COMMD1: variants seen among roughly 807,000 people sequenced by gnomAD.
COMMD1 encodes the protein COMM domain-containing protein 1.
In COMMD1, 10 loss-of-function variants were observed where a neutral mutation model predicts 17.2. The ratio of observed to expected loss-of-function variants is 0.58; its 90% CI spans 0.36 to 0.99. The LOEUF is 0.99. Among genes scored for constraint, COMMD1 ranks in the 50% least tolerant of loss-of-function variants. The pLI is 0.01. For missense variants in COMMD1, 270 were observed against 231.8 expected (o/e 1.17, Z -1.07); for synonymous variants, 97 against 91.6 (o/e 1.06, Z -0.34).
At chr2:62,046,924 G>A (rs1670399365) in intron 2 of COMMD1, among the ~76,000 whole-genome samples, 1 of 152,188 alleles carries the variant, frequency 6.6e-6, no homozygotes, top group African/African-American at 2.4e-5. Context: ...TGGATGCAAA[G>A]TAGTGGTGGT....
Position 61,912,628 on chromosome 2 carries a change from A to G in COMMD1, c.180+6770A>G, listed in dbSNP as rs936509059. Among the ~76,000 whole-genome samples the G allele has an allele frequency of 7.1e-4, 108 of 151,886 alleles. 1 individual carries two copies. The highest frequency in any genetic ancestry group is 2.5e-3 in the African/African-American group (105 of 41,442). Reference sequence around the variant, plus strand: ...CATGTGCTTGTAGTCCCAGCTACTCAGGAGGCTGAGGCAGGAGAATTGCTT... The same window carrying G: ...CATGTGCTTGTAGTCCCAGCTACTCGGGAGGCTGAGGCAGGAGAATTGCTT... On this transcript the variant is annotated intron_variant, in intron 1 of 2. Coordinates refer to ENST00000311832, the MANE Select transcript of COMMD1 (RefSeq NM_152516.4).
At position 62,004,364 on chromosome 2, in the gene COMMD1, A is replaced by G. The variant is rs1669055221; in HGVS notation, c.462+3382A>G. On this transcript the variant is annotated intron_variant, in intron 2 of 2. Transcript: ENST00000311832. ...CACCCAGGCTGGAGTGCAGTGGCAC[A>G]ATCTCGGCTCACTGCAGCCTCCACC... 2.6e-5 allele frequency among the ~76,000 whole-genome samples: 4 copies of G among 152,142 alleles called. No individual in the cohort carries two copies. The South Asian group carries it at 8.3e-4, about 32-fold the overall frequency.
intron 2 of COMMD1, among the ~76,000 whole-genome samples, chr2:62,086,261 G>T (rs1047314482): frequency 6.6e-6 from 1 of 152,104 alleles, no homozygotes; most frequent in Non-Finnish European, 1.5e-5. Flanking sequence ...TGTAAACCCA[G>T]CACTTTGGGA....
At position 62,084,956 on chromosome 2, in the gene COMMD1, G is replaced by C. The variant is rs182679013; in HGVS notation, c.463-50875G>C. On this transcript the variant is annotated intron_variant, in intron 2 of 2. Transcript: ENST00000311832. Reference sequence around the variant, plus strand: ...AAAAGGAATAAGTCTACTGGTCATTGGTAATTAGGGCCTTTCATCTGTGCA... The same window carrying C: ...AAAAGGAATAAGTCTACTGGTCATTCGTAATTAGGGCCTTTCATCTGTGCA... 5.3e-5 allele frequency: 8 copies of C among 152,262 alleles called. No homozygotes were observed. In the East Asian group the frequency reaches 1.5e-3, roughly 29 times the overall value. 9.4% of individuals were successfully genotyped at this position (152,262 alleles called of 1,614,324 possible).
chr2:61,925,402 T>G (rs957142102), intron 1 of COMMD1, among the ~76,000 whole-genome samples: 3 of 151,460 alleles, frequency 2.0e-5, no homozygotes, highest in African/African-American at 7.3e-5. Flanking sequence ...GGAGGGGAGT[T>G]TGAGGGAGTT....
intron 1 of COMMD1, among the ~76,000 whole-genome samples, chr2:61,920,983 T>TATATA (rs376047252): frequency 1.8e-4 from 18 of 101,876 alleles, no homozygotes; most frequent in East Asian, 3.3e-4. Context: ...ATATATATAT[T>TATATA]TTTTTTTTTT....
intron 2 of COMMD1, among the ~76,000 whole-genome samples, chr2:62,073,619 T>C (rs1443163448): frequency 6.6e-6 from 1 of 152,252 alleles, no homozygotes; most frequent in African/African-American, 2.4e-5. Context: ...GTAACCTGAC[T>C]GCCTTGGGCA....
chr2:61,994,485 G>C (rs1668692760), intron 1 of COMMD1, among the ~76,000 whole-genome samples: 1 of 151,994 alleles, frequency 6.6e-6, no homozygotes, highest in Non-Finnish European at 1.5e-5. Flanking sequence ...AGTCTCACTT[G>C]CTCTGCCTGT....
At chr2:61,914,654 A>C (rs1478811186) in intron 1 of COMMD1, among the ~76,000 whole-genome samples, 1 of 152,134 alleles carries the variant, frequency 6.6e-6, no homozygotes, top group South Asian at 2.1e-4. Flanking sequence ...GAGGTGGCTC[A>C]TGCCTGTATT....
chr2:61,996,538 T>A (rs1040819316), intron 1 of COMMD1, among the ~76,000 whole-genome samples: 1 of 152,128 alleles, frequency 6.6e-6, no homozygotes, highest in African/African-American at 2.4e-5. Context: ...TTGATAGCAT[T>A]TTACCCACAG....
chr2:61,955,312 T>TTCTCTCTCTCTCTCTCTC (rs70946770), intron 1 of COMMD1, among the ~76,000 whole-genome samples: 14 of 145,472 alleles, frequency 9.6e-5, no homozygotes, highest in African/African-American at 3.0e-4. Flanking sequence ...CTCTCTCTCT[T>TTCTCTCTCTCTCTCTCTC]TCTCTCTCTC....
chr2:61,909,833 C>G (rs1044402562), intron 1 of COMMD1, among the ~76,000 whole-genome samples: 1 of 152,166 alleles, frequency 6.6e-6, no homozygotes, highest in African/African-American at 2.4e-5. Flanking sequence ...TTAACAGCCT[C>G]CTTATTGCCA....
intron 2 of COMMD1, among the ~76,000 whole-genome samples, chr2:62,011,520 C>A (rs905840137): frequency 4.6e-5 from 7 of 151,698 alleles, no homozygotes; most frequent in African/African-American, 1.7e-4. Context: ...TTTTTAATTG[C>A]TGCATCCTCA....
rs563677652 is a variant in COMMD1, at chr2:62,124,636, G to A, written c.463-11195G>A. ...ACCATCTCAGCTCACTGCAACCTCC[G>A]CCTCCTGGGTTCAAGTGATTCTTGT... On this transcript the variant is annotated intron_variant, in intron 2 of 2. Coordinates refer to ENST00000311832, the MANE Select transcript of COMMD1 (RefSeq NM_152516.4). 7.9e-5 allele frequency among the ~76,000 whole-genome samples: 12 copies of A among 152,060 alleles called. No homozygotes were observed. The South Asian group carries it at 1.9e-3, about 24-fold the overall frequency.
intron 2 of COMMD1, among the ~76,000 whole-genome samples, chr2:62,104,644 A>C (rs1311487695): frequency 1.3e-5 from 2 of 151,486 alleles, no homozygotes; most frequent in Admixed American, 6.6e-5. Flanking sequence ...AAAAAAAAAA[A>C]AAAAAAAAAA....
chr2:62,050,050 A>G (rs994391532), intron 2 of COMMD1, among the ~76,000 whole-genome samples: 1 of 152,196 alleles, frequency 6.6e-6, no homozygotes, highest in Admixed American at 6.5e-5. Context: ...ATGAATCTCT[A>G]TAACAGCGCT....
At chr2:62,092,195 C>A (rs1671849658) in intron 2 of COMMD1, among the ~76,000 whole-genome samples, 1 of 152,108 alleles carries the variant, frequency 6.6e-6, no homozygotes, top group Non-Finnish European at 1.5e-5. Context: ...ATAGCTGCAC[C>A]CATTTAGAAA....
intron 2 of COMMD1, among the ~76,000 whole-genome samples, chr2:62,113,820 C>A (rs1672519999): frequency 6.6e-6 from 1 of 152,210 alleles, no homozygotes. Context: ...AGGGCCTTTG[C>A]TCTATAAATG....
At chr2:61,955,005 G>C (rs1218546404) in intron 1 of COMMD1, among the ~76,000 whole-genome samples, 1 of 152,100 alleles carries the variant, frequency 6.6e-6, no homozygotes, top group East Asian at 1.9e-4. Context: ...AAAGAAATAG[G>C]TTTGCAGCTG....
Sources: gnomAD v4.1 joint callset for allele counts (sites outside exome capture counted in the v4.1 genomes callset) on GRCh38, gnomAD v4.1.1 for gene constraint, MANE v1.5 for transcripts, NCBI Gene and HGNC (gene_info 2026-07-23, HGNC 2026-07-21) for gene names.